Variants in EFCAB12 observed in about 807,000 individuals in gnomAD.
EFCAB12 encodes the protein EF-hand calcium binding domain 12.
In EFCAB12, 43 loss-of-function variants were observed where a neutral mutation model predicts 53.6. That is an observed-to-expected ratio of 0.80 (90% CI 0.63 to 1.03). The LOEUF (loss-of-function observed/expected upper bound fraction) is 1.03. Ranked by LOEUF, EFCAB12 falls within the 50% of genes least tolerant of loss-of-function variation. The pLI is 0.00. For synonymous variants in EFCAB12, 269 were observed against 289.2 expected (o/e 0.93, Z 0.71); for missense variants, 646 against 730.6 (o/e 0.88, Z 1.34).
intron 8 of EFCAB12, 41 bp from the exon 9 acceptor site, chr3:129,401,892 C>G (rs1327347901): frequency 6.3e-7 from 1 of 1,590,836 alleles, no homozygotes; most frequent in Admixed American, 1.7e-5. Context: ...TCATGGCAGA[C>G]AGGCCAGAGC....
rs561754408 is a variant in EFCAB12, at chr3:129,408,812, C to A, written c.1082G>T (p.Arg361Leu). The part of the protein sequence containing the change: ...IQYTEQCHLV[R>L]CGNRHFDEHC... The stretch of plus-strand genomic sequence containing the variant: ...CTCATCAAAGTGCCGATTCCCACAG[C>A]GCACCAGGTGACATTGCTCCGTGTA... The change falls in exon 6 of 9, where the codon CGC becomes CTC. Residue 361 changes from arginine to leucine, a missense_variant. Physicochemically the swap from Arg to Leu is moderately radical, Grantham distance 102. Coordinates refer to ENST00000505956, the MANE Select transcript of EFCAB12 (RefSeq NM_207307.3). 95 of 1,577,326 alleles carry A rather than the reference C, an allele frequency of 6.0e-5. 1 individual carries two copies. In the Middle Eastern group the frequency reaches 1.2e-3, roughly 19 times the overall value.
At chr3:129,423,685 A>T (rs2107742829) in intron 1 of EFCAB12, among the ~76,000 whole-genome samples, 1 of 152,214 alleles carries the variant, frequency 6.6e-6, no homozygotes, top group Non-Finnish European at 1.5e-5. Flanking sequence ...TGTCACTGTC[A>T]TTTTCCTCCT....
intron 3 of EFCAB12, among the ~76,000 whole-genome samples, chr3:129,416,418 A>AAAACAAAC (rs139810830): frequency 0.012 from 1,833 of 151,428 alleles, 47 homozygotes; most frequent in African/African-American, 0.04. Context: ...GCTCCGTCTC[A>AAAACAAAC]AAACAAACAA....
chr3:129,427,174 G>A (rs1215330579), intron 1 of EFCAB12, among the ~76,000 whole-genome samples: 1 of 151,958 alleles, frequency 6.6e-6, no homozygotes, highest in Non-Finnish European at 1.5e-5. Context: ...CAATTTTGTA[G>A]AGATGGGATC....
At chr3:129,409,168 G>A (rs991535275) in intron 5 of EFCAB12, among the ~76,000 whole-genome samples, 5 of 152,236 alleles carry the variant, frequency 3.3e-5, no homozygotes, top group African/African-American at 1.2e-4. Flanking sequence ...GGACATTCGC[G>A]GGGCCACAAG....
At chr3:129,427,614 T>C (rs76397320) in intron 1 of EFCAB12, among the ~76,000 whole-genome samples, 1 of 152,324 alleles carries the variant, frequency 6.6e-6, no homozygotes, top group South Asian at 2.1e-4. Flanking sequence ...GTTTCTCCAC[T>C]GGGCATTAAT....
intron 8 of EFCAB12, 131 bp downstream of exon 8, chr3:129,402,392 T>C: frequency 1.0e-6 from 1 of 977,962 alleles, no homozygotes; most frequent in Non-Finnish European, 1.6e-6. Context: ...CTCTGTGTTG[T>C]GTCACTGCCT....
chr3:129,418,130 C>T, intron 3 of EFCAB12, 124 bp downstream of exon 3: 1 of 896,592 alleles, frequency 1.1e-6, no homozygotes, highest in Non-Finnish European at 1.6e-6. Context: ...GTTTGCACTC[C>T]TTGTGTCTAC....
rs867769787 is a variant in EFCAB12 at position 129,428,572 on chromosome 3, T to C, written c.-84A>G. 6 of 1,515,190 alleles carry C rather than the reference T, an allele frequency of 4.0e-6. No homozygotes were observed. The highest frequency in any genetic ancestry group is 5.4e-6 in the Non-Finnish European group (6 of 1,116,278). The allele number at this position is 1,515,190 out of a possible 1,614,324, so 93.9% of individuals were successfully genotyped here. On this transcript the variant is annotated 5_prime_UTR_variant, in exon 1 of 9. Coordinates refer to ENST00000505956, the MANE Select transcript of EFCAB12 (RefSeq NM_207307.3). ...TTGCTTGCGTAGGGGTACCGGGGTA[T>C]CAGATAAACCGTAACTCCAAGTCGT...
In EFCAB12 at chr3:129,421,687, G is replaced by A. The variant is rs1380608201; in HGVS notation, c.166C>T (p.Arg56Cys). The A allele has an allele frequency of 8.7e-6, 14 of 1,613,760 alleles. No homozygotes were observed. The highest frequency in any genetic ancestry group is 2.2e-5 in the South Asian group (2 of 91,070). The part of the protein sequence containing the change: ...QQKDFRLPQT[R>C]RRIIMVPRKE... ...CGAGGCACCATGATGATTCGCCGGC[G>A]GGTCTGAGGCAGGCGGAAGTCCTTC... The change falls in exon 2 of 9, where the codon CGC becomes TGC. Residue 56 changes from arginine to cysteine, a missense_variant. Arg to Cys is a radical substitution (Grantham distance 180). Transcript: ENST00000505956.
rs766969290 is a variant in EFCAB12, at chr3:129,418,278, C to T, written c.657G>A (p.Glu219=). Reference sequence around the variant, plus strand: ...CTGCCTTTACAGCCGCGATGAACTCCTCCCTGGTGATTCTCTGGTTCTCAC... The same window carrying T: ...CTGCCTTTACAGCCGCGATGAACTCTTCCCTGGTGATTCTCTGGTTCTCAC... ...GQGENQRITR[E]EFIAAVKAVG... is the part of the protein sequence containing the mutation. The change falls in exon 3 of 9, where the codon GAG becomes GAA. Residue 219 remains glutamate (E), a synonymous_variant. Coordinates refer to ENST00000505956, the MANE Select transcript of EFCAB12 (RefSeq NM_207307.3). The T allele has an allele frequency of 1.2e-6, 2 of 1,612,398 alleles. No individual in the cohort carries two copies. The highest frequency in any genetic ancestry group is 2.7e-5 in the African/African-American group (2 of 74,908).
chr3:129,423,119 C>T (rs1559792622), intron 1 of EFCAB12, among the ~76,000 whole-genome samples: 2 of 152,158 alleles, frequency 1.3e-5, no homozygotes. Flanking sequence ...GGCCCAAGGT[C>T]ACTCAGTTGA....
intron 6 of EFCAB12, among the ~76,000 whole-genome samples, chr3:129,404,750 A>G (rs2071926731): frequency 6.6e-6 from 1 of 152,090 alleles, no homozygotes; most frequent in Non-Finnish European, 1.5e-5. Flanking sequence ...CGGTGCAACG[A>G]GGTCTGAGCT....
rs1482986483 is a variant in EFCAB12, at chr3:129,408,692, A to G, written c.1202T>C (p.Leu401Pro). 2 of 1,589,006 alleles carry G rather than the reference A, an allele frequency of 1.3e-6. No individual in the cohort carries two copies. The highest frequency in any genetic ancestry group is 1.8e-5 in the Admixed American group (1 of 57,084). Reference protein sequence around the residue: ...NFLVYLQCWKLCKSYGLPLTE... With the variant: ...NFLVYLQCWKPCKSYGLPLTE... ...CAGCGGGAGGCCATAGGACTTACAG[A>G]GCTTCCAGCATTGCAGGTAGACCAG... is the stretch of plus-strand genomic sequence containing the variant. The change falls in exon 6 of 9, where the codon CTC becomes CCC. Residue 401 changes from leucine to proline, a missense_variant. By Grantham distance (98) the Leu-to-Pro change is moderately conservative. Transcript: ENST00000505956.
chr3:129,409,840 T>C (rs909497780), intron 5 of EFCAB12, among the ~76,000 whole-genome samples: 3 of 152,206 alleles, frequency 2.0e-5, no homozygotes, highest in Non-Finnish European at 4.4e-5. Flanking sequence ...CAGGGGAACT[T>C]TGCTGGTCCC....
intron 2 of EFCAB12, among the ~76,000 whole-genome samples, chr3:129,419,204 A>G (rs1275254587): frequency 6.6e-6 from 1 of 152,226 alleles, no homozygotes; most frequent in Non-Finnish European, 1.5e-5. Flanking sequence ...ACATGTGACT[A>G]TTGAGCACTC....
intron 1 of EFCAB12, among the ~76,000 whole-genome samples, chr3:129,426,374 T>TTG (rs2072272771): frequency 6.9e-6 from 1 of 145,402 alleles, no homozygotes; most frequent in African/African-American, 2.5e-5. Context: ...TTTTTTTTTT[T>TTG]TTTTTTTTGA....
chr3:129,424,450 C>T (rs1429922381), intron 1 of EFCAB12, among the ~76,000 whole-genome samples: 2 of 152,186 alleles, frequency 1.3e-5, no homozygotes, highest in Non-Finnish European at 2.9e-5. Context: ...GCTCTCACTT[C>T]CTCCTTCTTG....
chr3:129,402,322 G>A (rs2071883292), intron 8 of EFCAB12, among the ~76,000 whole-genome samples: 2 of 152,194 alleles, frequency 1.3e-5, no homozygotes, highest in African/African-American at 4.8e-5. Flanking sequence ...TCGTAGGGCT[G>A]TTGGGAGGAT....
Sources: gnomAD v4.1 joint callset for allele counts (sites outside exome capture counted in the v4.1 genomes callset) on GRCh38, gnomAD v4.1.1 for gene constraint, MANE v1.5 for transcripts, NCBI Gene and HGNC (gene_info 2026-07-23, HGNC 2026-07-21) for gene names.